The following HPSE2 variants were observed in gnomAD, a reference collection of about 807,000 sequenced individuals.
HPSE2 encodes the protein inactive heparanase-2.
In HPSE2, 38 loss-of-function variants were observed where a neutral mutation model predicts 60.5. That is an observed-to-expected ratio of 0.63 (90% CI 0.48 to 0.82). The LOEUF (loss-of-function observed/expected upper bound fraction) is 0.82, where lower values mean the gene tolerates loss of function less well. Among genes scored for constraint, HPSE2 ranks in the 40% least tolerant of loss-of-function variants. HPSE2 has a pLI of 0.00. For synonymous variants in HPSE2, 295 were observed against 293.2 expected (o/e 1.01, Z -0.06); for missense variants, 713 against 740.4 (o/e 0.96, Z 0.43).
intron 3 of HPSE2, among the ~76,000 whole-genome samples, chr10:99,075,453 T>C (rs568243120): frequency 1.3e-5 from 2 of 152,298 alleles, no homozygotes; most frequent in East Asian, 3.9e-4. Context: ...AAACATATTA[T>C]CTAGCCTGGA....
At chr10:98,487,150 A>G (rs1941470855) in intron 10 of HPSE2, among the ~76,000 whole-genome samples, 1 of 152,208 alleles carries the variant, frequency 6.6e-6, no homozygotes, top group South Asian at 2.1e-4. Context: ...ATGGCTCATA[A>G]AAAGAGGCTT....
In HPSE2 at chr10:98,942,208, A is replaced by G. The variant is rs1955029238; in HGVS notation, c.611-198152T>C. Among the ~76,000 whole-genome samples the G allele has an allele frequency of 2.1e-5, 3 of 141,006 alleles. No homozygotes were observed. In the South Asian group the frequency reaches 6.4e-4, roughly 30 times the overall value. 92.5% of individuals were successfully genotyped at this position (141,006 alleles called of 152,430 possible). On this transcript the variant is annotated intron_variant, in intron 3 of 11. Coordinates refer to ENST00000370552, the MANE Select transcript of HPSE2 (RefSeq NM_021828.5). ...GTCTAAAACACCAAAAGCAATGGCA[A>G]CAAAAGCCAAAATTGACAAATGGGA...
chr10:98,994,670 G>C (rs928433483), intron 3 of HPSE2, among the ~76,000 whole-genome samples: 4 of 152,314 alleles, frequency 2.6e-5, no homozygotes, highest in Middle Eastern at 6.8e-3. Flanking sequence ...GCACAGCTCA[G>C]TATTGAATTC....
At chr10:99,201,499 CCTTAT>C (rs1285253637) in intron 2 of HPSE2, among the ~76,000 whole-genome samples, 1 of 152,040 alleles carries the variant, frequency 6.6e-6, no homozygotes, top group African/African-American at 2.4e-5. Flanking sequence ...AATCAAATCC[CCTTAT>C]CTTAATTCTA....
chr10:99,077,912 T>C (rs1350367044), intron 3 of HPSE2, among the ~76,000 whole-genome samples: 1 of 152,074 alleles, frequency 6.6e-6, no homozygotes, highest in Non-Finnish European at 1.5e-5. Flanking sequence ...GTCATGGAGG[T>C]GGATCCCTCA....
chr10:98,594,763 A>T (rs1193052319), intron 9 of HPSE2, among the ~76,000 whole-genome samples: 1 of 152,190 alleles, frequency 6.6e-6, no homozygotes, highest in Non-Finnish European at 1.5e-5. Flanking sequence ...TGCAATGATC[A>T]TGGAAGGGCA....
chr10:99,233,497 G>A (rs1336019905), intron 1 of HPSE2, among the ~76,000 whole-genome samples: 1 of 152,218 alleles, frequency 6.6e-6, no homozygotes, highest in East Asian at 1.9e-4. Context: ...AAAGGCTGCT[G>A]CTTTGGGAAG....
chr10:98,458,592 A>T lies in HPSE2; in HGVS notation c.*982T>A, dbSNP rs1464310045. ...GATTCACACTTTTTTCTTCTTTTTT[A>T]AAAATAATGATTTGAGTTAACCAAA... is the stretch of plus-strand genomic sequence containing the variant. On this transcript the variant is annotated 3_prime_UTR_variant, in exon 12 of 12. Coordinates refer to ENST00000370552, the MANE Select transcript of HPSE2 (RefSeq NM_021828.5). The T allele has an allele frequency of 1.2e-4, 18 of 152,174 alleles. No homozygotes were observed. Among genetic ancestry groups the T allele is most frequent in the Admixed American group, 1.2e-3 (18 of 15,280 alleles). The allele number at this position is 152,174 out of a possible 1,614,324, so 9.4% of individuals were successfully genotyped here.
At chr10:99,059,993 A>C (rs192043586) in intron 3 of HPSE2, among the ~76,000 whole-genome samples, 48 of 152,160 alleles carry the variant, frequency 3.2e-4, no homozygotes, top group African/African-American at 1.1e-3. Flanking sequence ...ACCTACAGAA[A>C]TTGTAATTAG....
At chr10:99,089,769 T>A (rs1445774416) in intron 3 of HPSE2, among the ~76,000 whole-genome samples, 4 of 152,182 alleles carry the variant, frequency 2.6e-5, no homozygotes, top group Non-Finnish European at 5.9e-5. Flanking sequence ...TTTGGCAGTA[T>A]GGTGATTTTC....
intron 3 of HPSE2, among the ~76,000 whole-genome samples, chr10:98,930,847 C>T (rs1295074654): frequency 7.0e-6 from 1 of 143,864 alleles, no homozygotes; most frequent in Non-Finnish European, 1.5e-5. Context: ...TGCATAAGTT[C>T]CTTGTAGATT....
At position 99,107,886 on chromosome 10, in the gene HPSE2, T is replaced by C. The variant is rs563766953; in HGVS notation, c.610+36352A>G. Among the ~76,000 whole-genome samples the C allele has an allele frequency of 1.2e-3, 180 of 152,344 alleles. 4 individuals carry two copies. Among genetic ancestry groups the C allele is most frequent in the Non-Finnish European group, 2.0e-3 (138 of 68,026 alleles). On this transcript the variant is annotated intron_variant, in intron 3 of 11. Coordinates refer to ENST00000370552, the MANE Select transcript of HPSE2 (RefSeq NM_021828.5). ...CACTAAGTATTTCCTGGATTCATTA[T>C]TCTAAAAGAGCATCCTATTATCCTT...
intron 3 of HPSE2, among the ~76,000 whole-genome samples, chr10:98,856,608 CA>C (rs760813135): frequency 1.3e-5 from 2 of 150,136 alleles, no homozygotes; most frequent in Non-Finnish European, 3.0e-5. Flanking sequence ...ATTTCATAAG[CA>C]AAAAAAAATC....
chr10:99,011,662 A>G (rs1957018331), intron 3 of HPSE2, among the ~76,000 whole-genome samples: 1 of 149,548 alleles, frequency 6.7e-6, no homozygotes, highest in Non-Finnish European at 1.5e-5. Flanking sequence ...AGACTGAGGC[A>G]GGAGAATTGC....
chr10:99,277,116 T>C, the HPSE2 span, among the ~76,000 whole-genome samples: 4 of 152,224 alleles, frequency 2.6e-5, no homozygotes, highest in East Asian at 7.7e-4. Context: ...CATTTGAAAA[T>C]TGCTAGGAGT....
intron 2 of HPSE2, among the ~76,000 whole-genome samples, chr10:99,147,169 G>C (rs1412715340): frequency 1.3e-5 from 2 of 152,130 alleles, no homozygotes; most frequent in Non-Finnish European, 2.9e-5. Context: ...CACAAAACCT[G>C]GTCAGTGCTC....
At chr10:99,165,624 G>A (rs1168358107) in intron 2 of HPSE2, among the ~76,000 whole-genome samples, 1 of 151,680 alleles carries the variant, frequency 6.6e-6, no homozygotes, top group East Asian at 1.9e-4. Flanking sequence ...TCGGCTCACT[G>A]CAACCTCCAC....
the HPSE2 span, among the ~76,000 whole-genome samples, chr10:99,277,452 T>C: frequency 6.6e-6 from 1 of 152,192 alleles, no homozygotes; most frequent in African/African-American, 2.4e-5. Context: ...AAAGATAAAA[T>C]GAATCCCTTA....
intron 2 of HPSE2, among the ~76,000 whole-genome samples, chr10:99,227,504 G>C (rs922295847): frequency 6.6e-6 from 1 of 151,964 alleles, no homozygotes; most frequent in Non-Finnish European, 1.5e-5. Context: ...CACAGATAAA[G>C]AGCACATGGT....
Sources: gnomAD v4.1 joint callset for allele counts (sites outside exome capture counted in the v4.1 genomes callset) on GRCh38, gnomAD v4.1.1 for gene constraint, MANE v1.5 for transcripts, NCBI Gene and HGNC (gene_info 2026-07-23, HGNC 2026-07-21) for gene names.